Variants in NUP98 observed in about 807,000 individuals in gnomAD.
NUP98 encodes nucleoporin 98 and 96 precursor.
A neutral mutation model predicts 191.9 loss-of-function variants in NUP98; 26 were observed. The ratio of observed to expected loss-of-function variants is 0.14; its 90% CI spans 0.10 to 0.19. The LOEUF (loss-of-function observed/expected upper bound fraction) is 0.19. Ranked by LOEUF, NUP98 falls within the 10% of genes least tolerant of loss-of-function variation. NUP98 has a pLI of 1.00. For missense variants in NUP98, 1,941 were observed against 2,178.8 expected, an observed-to-expected ratio of 0.89 and a Z score of 2.17; for synonymous variants, 808 against 778.4, an observed-to-expected ratio of 1.04 and a Z score of -0.63.
rs1322265560 is a variant in NUP98 at position 3,702,751 on chromosome 11, G to A, written c.3224C>T (p.Thr1075Ile). ...TGGGCTGGGCATTGTGAACACAGAA[G>A]TCAGGGGTGGAGGGACAGACCAAGA... ...TSSWSVPPPL[T>I]SVFTMPSPAP... Residue 1075 changes from threonine to isoleucine, a missense_variant, in exon 23 of 33, where the codon ACT (threonine) becomes ATT (isoleucine). By Grantham distance (89) the Thr-to-Ile change is moderately conservative. Transcript: ENST00000324932. The A allele has an allele frequency of 1.2e-6, 2 of 1,614,052 alleles. No individual in the cohort carries two copies. Among genetic ancestry groups the A allele is most frequent in the African/African-American group, 2.7e-5 (2 of 74,912 alleles).
At chr11:3,781,126 T>C (rs1345825254) in intron 2 of NUP98, among the ~76,000 whole-genome samples, 1 of 138,186 alleles carries the variant, frequency 7.2e-6, no homozygotes, top group East Asian at 2.1e-4. Context: ...GTTGAGGCTG[T>C]AGTGAACCAT....
intron 11 of NUP98, among the ~76,000 whole-genome samples, chr11:3,745,754 C>T (rs947886564): frequency 4.6e-5 from 7 of 152,074 alleles, no homozygotes; most frequent in Admixed American, 2.6e-4. Flanking sequence ...TGCATGGCTT[C>T]TGAAGTTCTT....
rs758463330 is a variant in NUP98 at position 3,676,291 on chromosome 11, G to T, written c.5271C>A (p.Asp1757Glu). ...AGAGGCGCAAAGGGACTCGCTGAGG[G>T]TCTGGTGTTGAGTCGGAGGTTCTAT... Reference protein sequence around the residue: ...PPDRTSDSTPDPQRVPLRLLA... With the variant: ...PPDRTSDSTPEPQRVPLRLLA... The change falls in exon 33 of 33, where the codon GAC becomes GAA. Residue 1757 changes from aspartate to glutamate, a missense_variant. By Grantham distance (45) the Asp-to-Glu change is conservative (BLOSUM62 2). Transcript: ENST00000324932. 6.2e-7 allele frequency: 1 copy of T among 1,614,036 alleles called. No individual in the cohort carries two copies.
At chr11:3,741,274 GTGT>G (rs936277768) in intron 12 of NUP98, among the ~76,000 whole-genome samples, 1 of 151,864 alleles carries the variant, frequency 6.6e-6, no homozygotes, top group Admixed American at 6.6e-5. Flanking sequence ...TAAGAAACAG[GTGT>G]TGTGGTTAAA....
chr11:3,779,539 G>A (rs909890846), intron 2 of NUP98, among the ~76,000 whole-genome samples: 7 of 152,046 alleles, frequency 4.6e-5, no homozygotes, highest in African/African-American at 1.7e-4. Context: ...TACTAGGGAG[G>A]CTGAGGCAGG....
At chr11:3,717,401 T>G (rs1279664046) in intron 18 of NUP98, among the ~76,000 whole-genome samples, 1 of 152,214 alleles carries the variant, frequency 6.6e-6, no homozygotes, top group Admixed American at 6.5e-5. Flanking sequence ...TATAAACAAG[T>G]CATTTACCTC....
At chr11:3,717,966 A>G (rs1018303220) in intron 18 of NUP98, among the ~76,000 whole-genome samples, 1 of 152,170 alleles carries the variant, frequency 6.6e-6, no homozygotes, top group African/African-American at 2.4e-5. Context: ...ATACGCTGTT[A>G]AATTCTGCTT....
rs1023263223 is a variant in NUP98 at position 3,676,091 on chromosome 11, C to A, written c.*68G>T. On this transcript the variant is annotated 3_prime_UTR_variant, in exon 33 of 33. Transcript: ENST00000324932. ...CCAGAGAATGGCAAACAGTGCCAAT[C>A]CAAACAAGGCAGGGAACCTCTGTGT... 3 of 1,477,122 alleles carry A rather than the reference C, an allele frequency of 2.0e-6. No homozygotes were observed. The Admixed American group carries it at 5.8e-5, about 28-fold the overall frequency. 91.5% of individuals were successfully genotyped at this position (1,477,122 alleles called of 1,614,324 possible).
intron 31 of NUP98, 139 bp downstream of exon 31, chr11:3,679,415 G>T: frequency 1.0e-6 from 1 of 992,676 alleles, no homozygotes; most frequent in Non-Finnish European, 1.6e-6. Context: ...TATCAAATGA[G>T]CCTCAGCAAG....
intron 10 of NUP98, among the ~76,000 whole-genome samples, chr11:3,754,360 G>C (rs2080883141): frequency 6.6e-6 from 1 of 151,616 alleles, no homozygotes; most frequent in Admixed American, 6.6e-5. Flanking sequence ...CGGGAGACGG[G>C]GGTTGCAGTG....
intron 23 of NUP98, 124 bp downstream of exon 23, chr11:3,702,326 CTCTCTCTCTCTCT>C (rs1460554254): frequency 0.027 from 5,670 of 208,270 alleles, 87 homozygotes; most frequent in East Asian, 0.037. Context: ...CTCTCTCTCT[CTCTCTCTCTCTCT>C]CTCTCTCTCT....
intron 11 of NUP98, among the ~76,000 whole-genome samples, chr11:3,746,651 G>A (rs185211123): frequency 3.3e-5 from 5 of 151,892 alleles, no homozygotes; most frequent in South Asian, 2.1e-4. Flanking sequence ...GGTGGCTCAC[G>A]CCTGTAATCC....
chr11:3,760,168 A>T (rs150324805), intron 10 of NUP98: 82 of 226,654 alleles, frequency 3.6e-4, no homozygotes, highest in Admixed American at 2.3e-3. Flanking sequence ...AACGACAAAA[A>T]TAAGAATAAC....
At chr11:3,773,299 G>C (rs993932045) in intron 6 of NUP98, among the ~76,000 whole-genome samples, 1 of 151,876 alleles carries the variant, frequency 6.6e-6, no homozygotes, top group African/African-American at 2.4e-5. Context: ...ACCTACTTCG[G>C]AGGCTAAGGA....
chr11:3,703,577 C>T (rs780135063), intron 22 of NUP98, among the ~76,000 whole-genome samples: 7 of 152,108 alleles, frequency 4.6e-5, no homozygotes, highest in African/African-American at 7.2e-5. Flanking sequence ...GAAAACTGAG[C>T]TCAGATAAGT....
rs777952686 is a variant in NUP98, at chr11:3,725,271, T to A, written c.1731-52A>T. The A allele has an allele frequency of 3.7e-6, 3 of 815,676 alleles. No individual in the cohort carries two copies. The Admixed American group carries it at 5.9e-5, about 16-fold the overall frequency. 50.5% of individuals were successfully genotyped at this position (815,676 alleles called of 1,614,324 possible). A position where few individuals can be genotyped will look rare whatever the true frequency, so the allele number is the denominator to read the frequency against. ...GAAAAAAATTACTCAGGCATACAGA[T>A]ATGTCCCAGACATTATCTTAAAAAC... On this transcript the variant is annotated intron_variant, in intron 14 of 32. Transcript: ENST00000324932.
chr11:3,692,528 G>A (rs1011044922), intron 27 of NUP98, among the ~76,000 whole-genome samples: 5 of 151,912 alleles, frequency 3.3e-5, no homozygotes, highest in Non-Finnish European at 7.4e-5. Flanking sequence ...CCGGGAGGCA[G>A]AGGTTGCAGT....
At chr11:3,783,190 G>A (rs768200503) in intron 1 of NUP98, among the ~76,000 whole-genome samples, 8 of 151,972 alleles carry the variant, frequency 5.3e-5, no homozygotes, top group Non-Finnish European at 8.8e-5. Flanking sequence ...CCAGGAGTTC[G>A]AGACCAGCCT....
At chr11:3,752,049 G>A (rs908132777) in intron 11 of NUP98, among the ~76,000 whole-genome samples, 6 of 149,334 alleles carry the variant, frequency 4.0e-5, no homozygotes, top group South Asian at 2.1e-4. Flanking sequence ...GGTGGCGTGC[G>A]ACTGTAGTCC....
Sources: gnomAD v4.1 joint callset for allele counts (sites outside exome capture counted in the v4.1 genomes callset) on GRCh38, gnomAD v4.1.1 for gene constraint, MANE v1.5 for transcripts, NCBI Gene and HGNC (gene_info 2026-07-23, HGNC 2026-07-21) for gene names.